APBB2: variants seen among roughly 807,000 people sequenced by gnomAD.
APBB2 encodes the protein amyloid beta precursor protein binding family B member 2.
Under a neutral mutation model 82.5 loss-of-function variants are expected in APBB2, and 38 were observed. The ratio of observed to expected loss-of-function variants is 0.46; its 90% CI spans 0.36 to 0.60. The LOEUF (loss-of-function observed/expected upper bound fraction) is 0.60, where lower values mean the gene tolerates loss of function less well. Ranked by LOEUF, APBB2 falls within the 20% of genes least tolerant of loss-of-function variation. The pLI is 0.00. For synonymous variants in APBB2, 341 were observed against 368.2 expected (o/e 0.93, Z 0.85); for missense variants, 772 against 972.3 (o/e 0.79, Z 2.74).
At chr4:40,845,998 T>A (rs1577913502) in intron 12 of APBB2, among the ~76,000 whole-genome samples, 1 of 4,294 alleles carries the variant, frequency 2.3e-4, no homozygotes, top group Non-Finnish European at 4.5e-4. Flanking sequence ...GGTGGGTGGG[T>A]GGGTGGGTGT....
rs547623253 is a variant in APBB2, at chr4:40,916,815, CAG to C, written c.1254+17639_1254+17640del. ...CCCAAAATTCCAAGAGAAGCAACCG[CAG>C]GTGAGATCCTGTTGTGAAGCCTTGA... On this transcript the variant is annotated intron_variant, in intron 10 of 17. Coordinates refer to ENST00000508593, the MANE Select transcript of APBB2 (RefSeq NM_004307.2). Among the ~76,000 whole-genome samples the C allele has an allele frequency of 2.0e-3, 300 of 152,276 alleles. 3 individuals are homozygous for C. Among genetic ancestry groups the C allele is most frequent in the South Asian group, 4.6e-3 (22 of 4,820 alleles).
intron 1 of APBB2, among the ~76,000 whole-genome samples, chr4:41,171,597 T>A (rs547962264): frequency 6.6e-6 from 1 of 152,322 alleles, no homozygotes; most frequent in South Asian, 2.1e-4. Context: ...CATGAAGACC[T>A]ACCTGTATCC....
intron 10 of APBB2, among the ~76,000 whole-genome samples, chr4:40,917,302 C>G (rs2154366110): frequency 6.6e-6 from 1 of 152,238 alleles, no homozygotes; most frequent in South Asian, 2.1e-4. Flanking sequence ...TCCAAGATTT[C>G]TTGTCTTCAG....
intron 5 of APBB2, among the ~76,000 whole-genome samples, chr4:41,023,395 C>T (rs1712552985): frequency 6.6e-6 from 1 of 152,048 alleles, no homozygotes; most frequent in African/African-American, 2.4e-5. Flanking sequence ...ATAACAGCTT[C>T]ATTGAGATAT....
At chr4:41,060,379 C>CTTCA (rs1227231035) in intron 4 of APBB2, among the ~76,000 whole-genome samples, 1 of 152,122 alleles carries the variant, frequency 6.6e-6, no homozygotes, top group Admixed American at 6.6e-5. Flanking sequence ...TAAGCAAGTA[C>CTTCA]TTCATTCATT....
chr4:41,169,831 A>G (rs901144561), intron 1 of APBB2, among the ~76,000 whole-genome samples: 1 of 148,738 alleles, frequency 6.7e-6, no homozygotes, highest in Non-Finnish European at 1.5e-5. Flanking sequence ...TAGGGGGGGA[A>G]AAAAGGAAAG....
intron 2 of APBB2, among the ~76,000 whole-genome samples, chr4:41,129,062 CCT>C (rs1463879424): frequency 6.6e-6 from 1 of 152,028 alleles, no homozygotes; most frequent in Non-Finnish European, 1.5e-5. Flanking sequence ...CAGTGTCCCT[CCT>C]CTGTCTCTCC....
Position 40,890,411 on chromosome 4 carries a change from C to T in APBB2, c.1482G>A (p.Gln494=), listed in dbSNP as rs1204555742. Residue 494 remains glutamine, a synonymous_variant, in exon 12 of 18, where the codon CAG becomes CAA. Transcript: ENST00000508593. Reference sequence around the variant, plus strand: ...CCCACACGCGGATGCTGACGATGGGCTGCGAGTGCAGCACGCTGCGGTCCA... The same window carrying T: ...CCCACACGCGGATGCTGACGATGGGTTGCGAGTGCAGCACGCTGCGGTCCA... ...DPMDRSVLHS[Q]PIVSIRVWGV... The T allele has an allele frequency of 6.2e-7, 1 of 1,613,856 alleles. No homozygotes were observed. Among genetic ancestry groups the T allele is most frequent in the Admixed American group, 1.7e-5 (1 of 60,010 alleles).
In APBB2 at chr4:40,814,283, T is replaced by C. The variant is rs961971798; in HGVS notation, c.*1809A>G. 3 of 152,236 alleles carry C rather than the reference T, an allele frequency of 2.0e-5. No homozygotes were observed. The highest frequency in any genetic ancestry group is 2.0e-4 in the Admixed American group (3 of 15,284). 9.4% of individuals were successfully genotyped at this position (152,236 alleles called of 1,614,324 possible). A position where few individuals can be genotyped will look rare whatever the true frequency, so the allele number is the denominator to read the frequency against. On this transcript the variant is annotated 3_prime_UTR_variant, in exon 18 of 18. Transcript: ENST00000508593. ...TACCACTGCGTAAGGAATTTGGACA[T>C]CTTTCTCCCACTCGTGTAGGGAATT...
At chr4:40,996,733 A>G (rs987720647) in intron 6 of APBB2, among the ~76,000 whole-genome samples, 2 of 152,150 alleles carry the variant, frequency 1.3e-5, no homozygotes, top group African/African-American at 4.8e-5. Flanking sequence ...TAAATTCTAG[A>G]GATTCATCCT....
chr4:40,827,147 C>T lies in APBB2; in HGVS notation c.1717G>A (p.Asp573Asn), dbSNP rs373755605. ...SLQERANVNL[D>N]VPLQVDFPTP... ...ACTGACTTACCTTGCAAAGGGACATCGAGGTTCACATTGGCCCTTTCCTGT... is the reference window on the plus strand; with the variant it reads ...ACTGACTTACCTTGCAAAGGGACATTGAGGTTCACATTGGCCCTTTCCTGT... The change falls in exon 14 of 18, where the codon GAT becomes AAT. Residue 573 changes from aspartate (D) to asparagine (N), a missense_variant. Transcript: ENST00000508593. The T allele has an allele frequency of 2.5e-6, 4 of 1,614,104 alleles. No homozygotes were observed. Among genetic ancestry groups the T allele is most frequent in the East Asian group, 2.2e-5 (1 of 44,878 alleles).
intron 4 of APBB2, among the ~76,000 whole-genome samples, chr4:41,040,381 C>T (rs2154447008): frequency 6.6e-6 from 1 of 152,288 alleles, no homozygotes; most frequent in Middle Eastern, 3.4e-3. Flanking sequence ...GACTCGGGTC[C>T]TTCCAGCACT....
At chr4:40,931,280 C>T (rs1211706217) in intron 10 of APBB2, among the ~76,000 whole-genome samples, 1 of 152,188 alleles carries the variant, frequency 6.6e-6, no homozygotes, top group African/African-American at 2.4e-5. Context: ...GGAAGCTCCT[C>T]CAATGTGTCT....
intron 3 of APBB2, among the ~76,000 whole-genome samples, chr4:41,066,586 A>G (rs1427491302): frequency 6.6e-6 from 1 of 152,174 alleles, no homozygotes; most frequent in East Asian, 1.9e-4. Context: ...CAGGTCAGGG[A>G]GGCCTTCCAA....
At chr4:41,150,188 T>G (rs1761884014) in intron 1 of APBB2, among the ~76,000 whole-genome samples, 4 of 152,210 alleles carry the variant, frequency 2.6e-5, no homozygotes, top group Non-Finnish European at 5.9e-5. Context: ...TTTATTATAA[T>G]AATGGGCAAC....
intron 3 of APBB2, among the ~76,000 whole-genome samples, chr4:41,080,698 CTTT>C (rs5857775): frequency 8.3e-6 from 1 of 120,936 alleles, no homozygotes; most frequent in African/African-American, 3.1e-5. Context: ...GTAAATGCTC[CTTT>C]TTTTTTTTTT....
At chr4:40,903,895 C>T (rs1775996475) in intron 10 of APBB2, among the ~76,000 whole-genome samples, 1 of 152,146 alleles carries the variant, frequency 6.6e-6, no homozygotes, top group South Asian at 2.1e-4. Context: ...CTATATGTGA[C>T]TATGAAGAAG....
chr4:40,972,460 T>TAAATAAATAAAA (rs1796209396), intron 6 of APBB2, among the ~76,000 whole-genome samples: 1 of 151,304 alleles, frequency 6.6e-6, no homozygotes, highest in Non-Finnish European at 1.5e-5. Flanking sequence ...AATAAATAAA[T>TAAATAAATAAAA]AAAATAGCAA....
intron 1 of APBB2, among the ~76,000 whole-genome samples, chr4:41,154,192 CTGAT>C (rs777280239): frequency 2.0e-5 from 3 of 152,200 alleles, no homozygotes; most frequent in Non-Finnish European, 2.9e-5. Context: ...TATGTCATTA[CTGAT>C]TAACCTTTGG....
Sources: gnomAD v4.1 joint callset for allele counts (sites outside exome capture counted in the v4.1 genomes callset) on GRCh38, gnomAD v4.1.1 for gene constraint, MANE v1.5 for transcripts, NCBI Gene and HGNC (gene_info 2026-07-23, HGNC 2026-07-21) for gene names.